TCERG1L: variants seen among roughly 807,000 people sequenced by gnomAD.
The protein encoded by TCERG1L is transcription elongation regulator 1-like protein.
A neutral mutation model predicts 56.3 loss-of-function variants in TCERG1L; 37 were observed. That is an observed-to-expected ratio of 0.66 (90% CI 0.51 to 0.87). The LOEUF (loss-of-function observed/expected upper bound fraction) is 0.87, where lower values mean the gene tolerates loss of function less well. Among genes scored for constraint, TCERG1L ranks in the 40% least tolerant of loss-of-function variants. The pLI, the probability that TCERG1L is intolerant of heterozygous loss-of-function variation, is 0.00. For synonymous variants in TCERG1L, 324 were observed against 326.3 expected (o/e 0.99, Z 0.08); for missense variants, 799 against 774.2 (o/e 1.03, Z -0.38).
At chr10:131,197,044 C>G (rs78632776) in intron 4 of TCERG1L, among the ~76,000 whole-genome samples, 3 of 152,146 alleles carry the variant, frequency 2.0e-5, no homozygotes, top group South Asian at 4.1e-4. Context: ...CCATGCCCCC[C>G]TCACCCTGCC....
chr10:131,156,521 C>T lies in TCERG1L; in HGVS notation c.1034+6601G>A, dbSNP rs377023181. Reference sequence around the variant, plus strand: ...CTAAGGGAGGAGACCACCCTTCATACTGTCTTATGCCCAATTTCTGCCTCC... The same window carrying T: ...CTAAGGGAGGAGACCACCCTTCATATTGTCTTATGCCCAATTTCTGCCTCC... On this transcript the variant is annotated intron_variant, in intron 6 of 11. Transcript: ENST00000368642. Among the ~76,000 whole-genome samples the T allele has an allele frequency of 2.4e-3, 365 of 152,246 alleles. 2 individuals carry two copies. The South Asian group carries it at 0.028, about 12-fold the overall frequency.
intron 5 of TCERG1L, chr10:131,164,154 A>G (rs1408684952): frequency 1.3e-5 from 2 of 150,582 alleles, no homozygotes; most frequent in East Asian, 1.9e-4. Flanking sequence ...AGAAAAAAGA[A>G]AAAAAAAAGA....
At chr10:131,197,185 A>ATTT (rs11412949) in intron 4 of TCERG1L, among the ~76,000 whole-genome samples, 37,275 of 148,478 alleles carry the variant, frequency 0.25, 4,852 homozygotes, top group Middle Eastern at 0.35. Context: ...TCTCTCCTCC[A>ATTT]TTTTTTTTTT....
intron 5 of TCERG1L, among the ~76,000 whole-genome samples, chr10:131,165,142 AG>A (rs1846018014): frequency 1.3e-5 from 2 of 152,254 alleles, no homozygotes; most frequent in Non-Finnish European, 2.9e-5. Context: ...GCTATTTGGC[AG>A]AACCATGGAA....
In TCERG1L at chr10:131,309,234, G is replaced by A. The variant is rs769954551; in HGVS notation, c.408C>T (p.Pro136=). The change falls in exon 2 of 12, where the codon CCC becomes CCT. Residue 136 remains proline (P), a synonymous_variant. Transcript: ENST00000368642. ...CAGAAGGGCAGAGATGTGGGAAGAC[G>A]GGCACCAGCTCCACTGTGGAAGAGG... ...LPPSSTVELV[P]VFPHLCPSAL... 8.1e-6 allele frequency: 13 copies of A among 1,607,448 alleles called. No homozygotes were observed. Among genetic ancestry groups the A allele is most frequent in the South Asian group, 5.6e-5 (5 of 89,900 alleles).
chr10:131,106,792 G>A (rs1442088416), intron 9 of TCERG1L, among the ~76,000 whole-genome samples: 3 of 152,134 alleles, frequency 2.0e-5, no homozygotes, highest in Non-Finnish European at 2.9e-5. Flanking sequence ...TCTTCATAGA[G>A]GTACTATTTC....
At chr10:131,128,942 C>T (rs1845590780) in intron 8 of TCERG1L, among the ~76,000 whole-genome samples, 1 of 152,184 alleles carries the variant, frequency 6.6e-6, no homozygotes, top group Admixed American at 6.5e-5. Flanking sequence ...ACCAAAAATA[C>T]AGGGGACAGA....
rs544231089 is a variant in TCERG1L, at chr10:131,147,745, T to C, written c.1035-1085A>G. 1.6e-4 allele frequency among the ~76,000 whole-genome samples: 24 copies of C among 152,242 alleles called. 1 individual carries two copies. The highest frequency in any genetic ancestry group is 4.1e-4 in the South Asian group (2 of 4,832). On this transcript the variant is annotated intron_variant, in intron 6 of 11. Coordinates refer to ENST00000368642, the MANE Select transcript of TCERG1L (RefSeq NM_174937.4). ...ACACCCACATACCCACCTCTAGCTA[T>C]TGACTTCCCCGAGGGAGGCCCCCGA... is the stretch of plus-strand genomic sequence containing the variant.
chr10:131,278,205 T>A (rs1846412949), intron 3 of TCERG1L, among the ~76,000 whole-genome samples: 1 of 152,004 alleles, frequency 6.6e-6, no homozygotes, highest in Non-Finnish European at 1.5e-5. Flanking sequence ...CCGAGTCGCA[T>A]CCTCTCCTGG....
At chr10:131,170,966 T>C (rs1846084673) in intron 4 of TCERG1L, among the ~76,000 whole-genome samples, 1 of 152,070 alleles carries the variant, frequency 6.6e-6, no homozygotes, top group Non-Finnish European at 1.5e-5. Context: ...GCCAAGATGG[T>C]GAAACCCTGT....
At chr10:131,166,111 C>T (rs1286694439) in intron 5 of TCERG1L, among the ~76,000 whole-genome samples, 1 of 152,206 alleles carries the variant, frequency 6.6e-6, no homozygotes, top group African/African-American at 2.4e-5. Context: ...AGGGTGACTA[C>T]ACCCTGACAG....
intron 4 of TCERG1L, among the ~76,000 whole-genome samples, chr10:131,243,132 T>C (rs1564823953): frequency 1.3e-5 from 2 of 152,176 alleles, no homozygotes; most frequent in East Asian, 1.9e-4. Context: ...GTGCAAGATT[T>C]TGGTTCGCCT....
At position 131,138,129 on chromosome 10, in the gene TCERG1L, T is replaced by A. The variant is rs112519721; in HGVS notation, c.1190-3681A>T. On this transcript the variant is annotated intron_variant, in intron 7 of 11. Coordinates refer to ENST00000368642, the MANE Select transcript of TCERG1L (RefSeq NM_174937.4). The stretch of plus-strand genomic sequence containing the variant: ...ACCAAAAATACAAAAATTAGCCGGG[T>A]GTGGTGGCACATGTCTGTAATCTCA... 5.8e-4 allele frequency among the ~76,000 whole-genome samples: 89 copies of A among 152,178 alleles called. 1 individual carries two copies. The highest frequency in any genetic ancestry group is 1.3e-3 in the African/African-American group (56 of 41,512).
At chr10:131,143,222 G>A (rs1175489396) in intron 7 of TCERG1L, among the ~76,000 whole-genome samples, 1 of 152,196 alleles carries the variant, frequency 6.6e-6, no homozygotes, top group Non-Finnish European at 1.5e-5. Context: ...GAGGAGGGAA[G>A]TCCACGGAAC....
rs1047766650 is a variant in TCERG1L at position 131,112,991 on chromosome 10, C to T, written c.1395+3808G>A. ...GAGTTCCCGTGAGTCCAGGTGGCCCCGGGTGGACCCGGGTAACTGTGGGTG... is the reference window on the plus strand; with the variant it reads ...GAGTTCCCGTGAGTCCAGGTGGCCCTGGGTGGACCCGGGTAACTGTGGGTG... On this transcript the variant is annotated intron_variant, in intron 9 of 11. Coordinates refer to ENST00000368642, the MANE Select transcript of TCERG1L (RefSeq NM_174937.4). Among the ~76,000 whole-genome samples, 7 of 141,940 alleles carry T rather than the reference C, an allele frequency of 4.9e-5. 1 individual carries two copies. Among genetic ancestry groups the T allele is most frequent in the Non-Finnish European group, 7.9e-5 (5 of 62,998 alleles). The allele number at this position is 141,940 out of a possible 152,430, so 93.1% of individuals were successfully genotyped here.
chr10:131,285,428 A>C (rs1846513549), intron 3 of TCERG1L, among the ~76,000 whole-genome samples: 1 of 45,744 alleles, frequency 2.2e-5, no homozygotes, highest in Admixed American at 3.3e-4. Context: ...AGAGAGAGAG[A>C]AAGAGAGAAA....
At chr10:131,114,993 G>A (rs895487149) in intron 9 of TCERG1L, among the ~76,000 whole-genome samples, 9 of 152,220 alleles carry the variant, frequency 5.9e-5, no homozygotes, top group Non-Finnish European at 1.2e-4. Flanking sequence ...AGTAAGGACC[G>A]GGAAACTGCC....
chr10:131,155,406 A>G (rs11017770), intron 6 of TCERG1L, among the ~76,000 whole-genome samples: 19,918 of 152,288 alleles, frequency 0.13, 1,753 homozygotes, highest in Non-Finnish European at 0.2. Context: ...GCCTTGCAGC[A>G]CAGACACAAG....
chr10:131,113,334 T>A (rs547319791), intron 9 of TCERG1L, among the ~76,000 whole-genome samples: 1 of 142,102 alleles, frequency 7.0e-6, no homozygotes, highest in African/African-American at 2.5e-5. Flanking sequence ...CCTTCCCTGG[T>A]GGCCAGCCTA....
Sources: allele counts gnomAD v4.1 joint callset (sites outside exome capture counted in the v4.1 genomes callset), GRCh38; gene constraint gnomAD v4.1.1; transcripts MANE v1.5; gene names NCBI Gene and HGNC (gene_info 2026-07-23, HGNC 2026-07-21).